The following NCAPH variants were observed in gnomAD, a reference collection of about 807,000 sequenced individuals.
NCAPH encodes condensin complex subunit 2.
NCAPH carries 38 observed loss-of-function variants against 85.5 expected under a neutral mutation model. The observed-to-expected ratio is 0.44, with a 90% CI of 0.34 to 0.58. The LOEUF is 0.58. Ranked by LOEUF, NCAPH falls within the 20% of genes least tolerant of loss-of-function variation. The pLI, the probability that NCAPH is intolerant of heterozygous loss-of-function variation, is 0.01. For synonymous variants in NCAPH, 301 were observed against 335.1 expected (o/e 0.90, Z 1.11); for missense variants, 789 against 916.6 (o/e 0.86, Z 1.80).
chr2:96,343,301 G>C lies in NCAPH; in HGVS notation c.592G>C (p.Ala198Pro), dbSNP rs781066854. ...PSLEEVEGHV[A>P]DGSATEMGTT... ...TTTGGAAGAAGTAGAAGGCCATGTTGCTGGTAGGTGGGTAGGGATCTGGAT... is the reference window on the plus strand; with the variant it reads ...TTTGGAAGAAGTAGAAGGCCATGTTCCTGGTAGGTGGGTAGGGATCTGGAT... The change falls in exon 5 of 18, where the codon GCT becomes CCT. Residue 198 changes from alanine to proline, a missense_variant. Coordinates refer to ENST00000240423, the MANE Select transcript of NCAPH (RefSeq NM_015341.5). 3.1e-6 allele frequency: 5 copies of C among 1,611,990 alleles called. No homozygotes were observed. The African/African-American group carries it at 5.3e-5, about 17-fold the overall frequency.
chr2:96,354,391 A>G lies in NCAPH; in HGVS notation c.1208+3A>G, dbSNP rs1289876076. 6.4e-7 allele frequency: 1 copy of G among 1,571,918 alleles called. No homozygotes were observed. The highest frequency in any genetic ancestry group is 8.6e-7 in the Non-Finnish European group (1 of 1,156,764). On this transcript the variant is annotated splice_donor_region_variant and intron_variant, in intron 9 of 17. Coordinates refer to ENST00000240423, the MANE Select transcript of NCAPH (RefSeq NM_015341.5). ...CCCTGCCAGGTTCAGAGCTGCCAGT[A>G]AGGCTCTCAGAGTCCGAAAGTGTTT...
intron 12 of NCAPH, among the ~76,000 whole-genome samples, chr2:96,361,843 T>C (rs866467706): frequency 9.8e-4 from 129 of 131,254 alleles, no homozygotes; most frequent in African/African-American, 3.2e-3. Context: ...TTTTTTTTTT[T>C]CCCTGAATTG....
chr2:96,364,636 G>C (rs192027973), intron 13 of NCAPH, 45 bp downstream of exon 13: 4 of 1,420,202 alleles, frequency 2.8e-6, no homozygotes, highest in Non-Finnish European at 4.0e-6. Context: ...AAGCCAGGGA[G>C]TCGTTTTTCT....
At chr2:96,337,888 A>T (rs898120465) in intron 1 of NCAPH, among the ~76,000 whole-genome samples, 1 of 149,858 alleles carries the variant, frequency 6.7e-6, no homozygotes, top group Non-Finnish European at 1.5e-5. Context: ...AATACCACCT[A>T]TATCTTTCTA....
At chr2:96,352,847 A>T (rs1250733598) in intron 7 of NCAPH, among the ~76,000 whole-genome samples, 3 of 152,140 alleles carry the variant, frequency 2.0e-5, no homozygotes, top group Admixed American at 6.5e-5. Context: ...CTATTTTCCA[A>T]GTTTGTGCTC....
chr2:96,356,700 T>G (rs1169419969), intron 9 of NCAPH, among the ~76,000 whole-genome samples: 1 of 151,998 alleles, frequency 6.6e-6, no homozygotes, highest in Admixed American at 6.6e-5. Context: ...TCTCAGTGGG[T>G]AGAGGGGGCC....
At chr2:96,354,471 A>C (rs2064495172) in intron 9 of NCAPH, 83 bp downstream of exon 9, 1 of 1,211,258 alleles carries the variant, frequency 8.3e-7, no homozygotes, top group South Asian at 2.3e-5. Context: ...CTAATTAAAA[A>C]ATTTTTCTTT....
At chr2:96,352,132 G>C in intron 7 of NCAPH, 112 bp downstream of exon 7, 1 of 1,152,520 alleles carries the variant, frequency 8.7e-7, no homozygotes, top group Non-Finnish European at 1.2e-6. Context: ...AAATTACCCA[G>C]AAGTTTCCTC....
Position 96,343,067 on chromosome 2 carries a change from T to C in NCAPH, c.457-99T>C, listed in dbSNP as rs2064316337. 11 of 1,506,444 alleles carry C rather than the reference T, an allele frequency of 7.3e-6. No homozygotes were observed. The South Asian group carries it at 1.0e-4, about 14-fold the overall frequency. 93.3% of individuals were successfully genotyped at this position (1,506,444 alleles called of 1,614,324 possible). The stretch of plus-strand genomic sequence containing the variant: ...TAGAGGGATCTTTGTCATTGCTTCC[T>C]TGGGGCAAGTAAATATTTTGTGAAG... On this transcript the variant is annotated intron_variant, in intron 4 of 17. Transcript: ENST00000240423.
chr2:96,367,412 C>A (rs749010988), intron 15 of NCAPH, 39 bp downstream of exon 15: 1 of 1,473,884 alleles, frequency 6.8e-7, no homozygotes, highest in Non-Finnish European at 9.5e-7. Context: ...GCCCAGCATG[C>A]GGGAGGGGAG....
chr2:96,351,120 T>G (rs1258668279), intron 6 of NCAPH, among the ~76,000 whole-genome samples: 6 of 152,234 alleles, frequency 3.9e-5, no homozygotes, highest in Non-Finnish European at 7.3e-5. Flanking sequence ...TTCCAAACTT[T>G]AGAAGATATT....
chr2:96,349,625 G>A (rs1427818103), intron 6 of NCAPH, among the ~76,000 whole-genome samples: 1 of 152,086 alleles, frequency 6.6e-6, no homozygotes, highest in Non-Finnish European at 1.5e-5. Context: ...CAAGTGATCT[G>A]CCTGCCTCGG....
rs772851047 is a variant in NCAPH at position 96,359,004 on chromosome 2, A to G, written c.1209-41A>G. ...ATGCTTCATATGTAAATACAGCATT[A>G]TAATATATGTATTGTACATGTACAA... On this transcript the variant is annotated intron_variant, in intron 9 of 17. Coordinates refer to ENST00000240423, the MANE Select transcript of NCAPH (RefSeq NM_015341.5). The G allele has an allele frequency of 3.8e-6, 6 of 1,586,084 alleles. No individual in the cohort carries two copies. In the South Asian group the frequency reaches 4.5e-5, roughly 12 times the overall value.
At chr2:96,361,828 A>ATATATTT (rs1457258768) in intron 12 of NCAPH, among the ~76,000 whole-genome samples, 1 of 108,018 alleles carries the variant, frequency 9.3e-6, no homozygotes, top group African/African-American at 4.2e-5. Flanking sequence ...ATATATATAT[A>ATATATTT]TTTTTTTTTT....
chr2:96,344,864 A>T (rs2064342102), intron 6 of NCAPH, among the ~76,000 whole-genome samples: 1 of 152,248 alleles, frequency 6.6e-6, no homozygotes, highest in Admixed American at 6.5e-5. Flanking sequence ...TGTTTCAGTG[A>T]ACATTCTAAT....
chr2:96,356,527 C>T (rs2064527463), intron 9 of NCAPH, among the ~76,000 whole-genome samples: 1 of 152,154 alleles, frequency 6.6e-6, no homozygotes, highest in Admixed American at 6.5e-5. Flanking sequence ...TATTTTATTG[C>T]AGCAACCCTA....
intron 9 of NCAPH, 54 bp downstream of exon 9, chr2:96,354,442 TTTTC>T (rs1478000158): frequency 4.5e-6 from 6 of 1,328,394 alleles, no homozygotes; most frequent in Non-Finnish European, 5.9e-6. Context: ...ATTGGTTCTT[TTTTC>T]TTTTTCTTTT....
At position 96,376,695 on chromosome 2, in the gene NCAPH, GGAACCGTTCATGGTGGCT is replaced by G. The variant is rs1188703540; in HGVS notation, c.*3348_*3365del. On this transcript the variant is annotated 3_prime_UTR_variant, in exon 18 of 18. Transcript: ENST00000240423. ...AGTTTGGTGTCCTGGAGCAAGGAAA[GGAACCGTTCATGGTGGCT>G]GAAGCCAAGCTGCTCAGCACTGAGG... Among the ~76,000 whole-genome samples the G allele has an allele frequency of 1.3e-5, 2 of 152,228 alleles. No homozygotes were observed. The highest frequency in any genetic ancestry group is 6.5e-5 in the Admixed American group (1 of 15,284).
At chr2:96,342,895 G>A in intron 4 of NCAPH, 47 bp downstream of exon 4, 1 of 1,500,006 alleles carries the variant, frequency 6.7e-7, no homozygotes, top group Non-Finnish European at 9.3e-7. Flanking sequence ...AAATGATGAT[G>A]ATTTCTACTA....
Sources: gnomAD v4.1 joint callset for allele counts (sites outside exome capture counted in the v4.1 genomes callset) on GRCh38, gnomAD v4.1.1 for gene constraint, MANE v1.5 for transcripts, NCBI Gene and HGNC (gene_info 2026-07-23, HGNC 2026-07-21) for gene names.